GPC5: variants seen among roughly 807,000 people sequenced by gnomAD.
GPC5 encodes the protein glypican-5.
Under a neutral mutation model 53.9 loss-of-function variants are expected in GPC5, and 47 were observed. The observed-to-expected ratio is 0.87, with a 90% CI of 0.69 to 1.11. GPC5 has a LOEUF of 1.11. Among genes scored for constraint, GPC5 ranks in the 50% most tolerant of loss-of-function variants. GPC5 has a pLI of 0.00. For missense variants in GPC5, 748 were observed against 713.1 expected (o/e 1.05, Z -0.56); for synonymous variants, 286 against 263.3 (o/e 1.09, Z -0.84).
intron 7 of GPC5, among the ~76,000 whole-genome samples, chr13:92,299,494 A>G (rs766347932): frequency 6.6e-5 from 10 of 152,192 alleles, no homozygotes; most frequent in East Asian, 1.9e-4. Context: ...ACTAACAACT[A>G]CTTGTAAATG....
chr13:91,463,687 A>C (rs1882070606), intron 2 of GPC5, among the ~76,000 whole-genome samples: 1 of 152,142 alleles, frequency 6.6e-6, no homozygotes, highest in African/African-American at 2.4e-5. Context: ...CAATGGAGAA[A>C]GAATATCCTT....
chr13:92,793,419 C>T lies in GPC5; in HGVS notation c.1562-72863C>T, dbSNP rs533651070. 2.0e-4 allele frequency among the ~76,000 whole-genome samples: 30 copies of T among 152,168 alleles called. No homozygotes were observed. In the South Asian group the frequency reaches 3.3e-3, roughly 17 times the overall value. On this transcript the variant is annotated intron_variant, in intron 7 of 7. Transcript: ENST00000377067. ...AGGGACATTTATAGCACTAAATGCACACAAGAGGAAGCAGAAAGATCTAAA... is the reference window on the plus strand; with the variant it reads ...AGGGACATTTATAGCACTAAATGCATACAAGAGGAAGCAGAAAGATCTAAA...
chr13:91,495,799 G>C (rs1285355339), intron 2 of GPC5, among the ~76,000 whole-genome samples: 3 of 152,344 alleles, frequency 2.0e-5, no homozygotes, highest in African/African-American at 7.2e-5. Flanking sequence ...GAGGCGGGTG[G>C]ATCACCTGAG....
chr13:91,915,127 C>T (rs1473853574), intron 6 of GPC5, among the ~76,000 whole-genome samples: 2 of 152,108 alleles, frequency 1.3e-5, no homozygotes, highest in East Asian at 3.9e-4. Flanking sequence ...ACTAATATTC[C>T]AGAGAAACGA....
At chr13:92,824,207 C>T (rs1877769460) in intron 7 of GPC5, among the ~76,000 whole-genome samples, 1 of 151,998 alleles carries the variant, frequency 6.6e-6, no homozygotes, top group Admixed American at 6.6e-5. Flanking sequence ...ACACTGCCCT[C>T]ATTCCACCTA....
intron 5 of GPC5, among the ~76,000 whole-genome samples, chr13:91,882,653 G>C (rs370158562): frequency 5.0e-5 from 3 of 60,226 alleles, no homozygotes; most frequent in Non-Finnish European, 7.6e-5. Context: ...GAGGTTTTTT[G>C]TTTGTTTGTT....
At chr13:91,849,456 T>C (rs2038889341) in intron 5 of GPC5, among the ~76,000 whole-genome samples, 2 of 152,088 alleles carry the variant, frequency 1.3e-5, no homozygotes, top group South Asian at 4.2e-4. Flanking sequence ...TTTTATACCT[T>C]CCAGTATTTT....
chr13:92,258,770 T>C (rs899451407), intron 7 of GPC5, among the ~76,000 whole-genome samples: 1 of 152,138 alleles, frequency 6.6e-6, no homozygotes, highest in Non-Finnish European at 1.5e-5. Context: ...ACTGAGTTTC[T>C]ATTTTTTATC....
chr13:92,328,896 G>A (rs184784461), intron 7 of GPC5, among the ~76,000 whole-genome samples: 3 of 152,142 alleles, frequency 2.0e-5, no homozygotes, highest in African/African-American at 4.8e-5. Flanking sequence ...TGAAACAATG[G>A]CATGGTGCTT....
chr13:92,527,472 G>A (rs906583429), intron 7 of GPC5, among the ~76,000 whole-genome samples: 4 of 152,058 alleles, frequency 2.6e-5, no homozygotes, highest in African/African-American at 9.7e-5. Flanking sequence ...AAAATAGGGG[G>A]TAAGGTGTGG....
At chr13:92,251,651 C>G (rs2042693523) in intron 7 of GPC5, among the ~76,000 whole-genome samples, 1 of 152,116 alleles carries the variant, frequency 6.6e-6, no homozygotes, top group Non-Finnish European at 1.5e-5. Flanking sequence ...TGTAGTATCA[C>G]AGCACAGTGC....
rs11840453 is a variant in GPC5, at chr13:92,774,931, A to G, written c.1562-91351A>G. Among the ~76,000 whole-genome samples, 425 of 152,298 alleles carry G rather than the reference A, an allele frequency of 2.8e-3. 2 individuals carry two copies. The highest frequency in any genetic ancestry group is 9.4e-3 in the African/African-American group (391 of 41,568). On this transcript the variant is annotated intron_variant, in intron 7 of 7. Coordinates refer to ENST00000377067, the MANE Select transcript of GPC5 (RefSeq NM_004466.6). ...AAGTTGTCTCCTGTCCAACATTGAC[A>G]AAAAGAGACAAAATTAACTTTTCTT... is the stretch of plus-strand genomic sequence containing the variant.
At chr13:91,606,211 A>G (rs919490696) in intron 2 of GPC5, among the ~76,000 whole-genome samples, 6 of 151,250 alleles carry the variant, frequency 4.0e-5, no homozygotes, top group African/African-American at 1.2e-4. Context: ...TATTGAGATA[A>G]TCATGTGGTT....
At chr13:91,879,921 A>C (rs1370570608) in intron 5 of GPC5, among the ~76,000 whole-genome samples, 1 of 152,154 alleles carries the variant, frequency 6.6e-6, no homozygotes, top group Non-Finnish European at 1.5e-5. Context: ...TGTTTATAAG[A>C]GATACTGTTT....
intron 2 of GPC5, among the ~76,000 whole-genome samples, chr13:91,606,856 A>C (rs543137589): frequency 8.0e-5 from 12 of 150,250 alleles, no homozygotes; most frequent in Non-Finnish European, 1.5e-4. Context: ...TTTTTTCTTT[A>C]TTAGTCTTGC....
At chr13:92,808,205 G>A (rs905658583) in intron 7 of GPC5, among the ~76,000 whole-genome samples, 2 of 151,944 alleles carry the variant, frequency 1.3e-5, no homozygotes, top group Admixed American at 1.3e-4. Flanking sequence ...CGAATTTTTT[G>A]TATCTGAGGT....
intron 7 of GPC5, among the ~76,000 whole-genome samples, chr13:92,558,307 T>C (rs1383072336): frequency 1.3e-5 from 2 of 152,054 alleles, no homozygotes; most frequent in Non-Finnish European, 2.9e-5. Flanking sequence ...ATGTTCTTCA[T>C]TCTTTAAAGT....
At chr13:92,571,003 C>T (rs989139981) in intron 7 of GPC5, among the ~76,000 whole-genome samples, 11 of 152,030 alleles carry the variant, frequency 7.2e-5, no homozygotes, top group Admixed American at 3.3e-4. Flanking sequence ...AGTTCCAGAC[C>T]CTTCTCACCA....
chr13:92,318,836 GA>G (rs1286287191), intron 7 of GPC5, among the ~76,000 whole-genome samples: 1 of 152,056 alleles, frequency 6.6e-6, no homozygotes, highest in African/African-American at 2.4e-5. Flanking sequence ...TGAAATATTT[GA>G]ATAGAGGGTA....
Sources: gnomAD v4.1 joint callset for allele counts (sites outside exome capture counted in the v4.1 genomes callset) on GRCh38, gnomAD v4.1.1 for gene constraint, MANE v1.5 for transcripts, NCBI Gene and HGNC (gene_info 2026-07-23, HGNC 2026-07-21) for gene names.